Variants in PKNOX2 observed in about 807,000 individuals in gnomAD.
PKNOX2 encodes the protein homeobox protein PKNOX2.
In PKNOX2, 14 loss-of-function variants were observed where a neutral mutation model predicts 53.1. The observed-to-expected ratio is 0.26, with a 90% CI of 0.17 to 0.41. The LOEUF is 0.41. Among genes scored for constraint, PKNOX2 ranks in the 10% least tolerant of loss-of-function variants. PKNOX2 has a pLI of 1.00. For synonymous variants in PKNOX2, 257 were observed against 242.8 expected (o/e 1.06, Z -0.54); for missense variants, 496 against 602.8 (o/e 0.82, Z 1.85).
At chr11:125,284,105 A>T (rs1358267965) in intron 2 of PKNOX2, among the ~76,000 whole-genome samples, 1 of 152,138 alleles carries the variant, frequency 6.6e-6, no homozygotes, top group African/African-American at 2.4e-5. Context: ...AACTGAACAC[A>T]CCTAAAGGGT....
At position 125,410,606 on chromosome 11, in the gene PKNOX2, G is replaced by A. The variant is rs1299525066; in HGVS notation, c.719-173G>A. ...ACCTCCCACCAGAGGCTCTGTCCTA[G>A]GCTCTAGACACCATCCCCCACCCAC... On this transcript the variant is annotated intron_variant, in intron 8 of 12. Transcript: ENST00000298282. The A allele has an allele frequency of 1.2e-5, 8 of 657,092 alleles. No homozygotes were observed. In the East Asian group the frequency reaches 2.2e-4, roughly 18 times the overall value. 40.7% of individuals were successfully genotyped at this position (657,092 alleles called of 1,614,324 possible). A position where few individuals can be genotyped will look rare whatever the true frequency, so the allele number is the denominator to read the frequency against.
At chr11:125,263,633 G>C (rs953414922) in intron 2 of PKNOX2, among the ~76,000 whole-genome samples, 2 of 152,242 alleles carry the variant, frequency 1.3e-5, no homozygotes, top group Non-Finnish European at 2.9e-5. Context: ...AGCGCGGGAG[G>C]GGGAGAGCTG....
intron 2 of PKNOX2, among the ~76,000 whole-genome samples, chr11:125,308,600 C>A (rs1948608431): frequency 6.6e-6 from 1 of 152,192 alleles, no homozygotes; most frequent in Non-Finnish European, 1.5e-5. Flanking sequence ...TCGGGGGAGG[C>A]TTTGCCCCAA....
In PKNOX2 at chr11:125,191,295, T is replaced by C. The variant is rs534563236; in HGVS notation, c.-201+26519T>C. The stretch of plus-strand genomic sequence containing the variant: ...ATTCTAAGTCCAGGACACTCTCCAG[T>C]CACCACAGGCTACTGCCTGTGTGTT... On this transcript the variant is annotated intron_variant, in intron 1 of 12. Coordinates refer to ENST00000298282, the MANE Select transcript of PKNOX2 (RefSeq NM_001382323.2). 4 of 152,342 alleles carry C rather than the reference T, an allele frequency of 2.6e-5. No individual in the cohort carries two copies. The South Asian group carries it at 8.3e-4, about 32-fold the overall frequency. 9.4% of individuals were successfully genotyped at this position (152,342 alleles called of 1,614,324 possible). A position where few individuals can be genotyped will look rare whatever the true frequency, so the allele number is the denominator to read the frequency against.
chr11:125,254,354 A>T (rs916797424), intron 2 of PKNOX2, among the ~76,000 whole-genome samples: 3 of 152,162 alleles, frequency 2.0e-5, no homozygotes, highest in Non-Finnish European at 4.4e-5. Context: ...CCTCCCTGCC[A>T]TGGGGCTGGT....
chr11:125,265,274 G>A (rs981816993), intron 2 of PKNOX2, among the ~76,000 whole-genome samples: 1 of 150,768 alleles, frequency 6.6e-6, no homozygotes, highest in Non-Finnish European at 1.5e-5. Flanking sequence ...GCAACAGAGC[G>A]AGACTCTGTC....
chr11:125,189,443 G>GTATATA (rs1565465134), intron 1 of PKNOX2, among the ~76,000 whole-genome samples: 4 of 56,664 alleles, frequency 7.1e-5, no homozygotes, highest in Non-Finnish European at 9.7e-5. Flanking sequence ...GTGTGTGTGT[G>GTATATA]TGTGTATATA....
intron 2 of PKNOX2, among the ~76,000 whole-genome samples, chr11:125,319,906 G>A (rs1471933680): frequency 6.6e-6 from 1 of 152,200 alleles, no homozygotes; most frequent in Admixed American, 6.5e-5. Flanking sequence ...GATGAGGCTG[G>A]AAAGGTGGGA....
chr11:125,186,864 T>C (rs1481544863), intron 1 of PKNOX2, among the ~76,000 whole-genome samples: 1 of 152,238 alleles, frequency 6.6e-6, no homozygotes, highest in Non-Finnish European at 1.5e-5. Flanking sequence ...TTTAGGTTGT[T>C]GATCCATTTT....
intron 2 of PKNOX2, among the ~76,000 whole-genome samples, chr11:125,253,322 C>T (rs762798370): frequency 2.1e-4 from 32 of 152,110 alleles, no homozygotes; most frequent in Non-Finnish European, 5.9e-5. Flanking sequence ...GAAACAGAGG[C>T]ACAGGGAGAA....
intron 1 of PKNOX2, among the ~76,000 whole-genome samples, chr11:125,222,759 ATGTG>A (rs1305030261): frequency 4.0e-4 from 51 of 128,412 alleles, no homozygotes; most frequent in African/African-American, 1.4e-3. Flanking sequence ...GTGCCTGTGT[ATGTG>A]TGTATGTGTG....
chr11:125,429,628 G>C (rs574070828), intron 11 of PKNOX2, among the ~76,000 whole-genome samples: 1 of 152,324 alleles, frequency 6.6e-6, no homozygotes, highest in South Asian at 2.1e-4. Flanking sequence ...AGAGCTGAGG[G>C]CCCTGATCCG....
At chr11:125,177,388 G>A (rs541304866) in intron 1 of PKNOX2, among the ~76,000 whole-genome samples, 2 of 152,328 alleles carry the variant, frequency 1.3e-5, no homozygotes, top group East Asian at 3.9e-4. Flanking sequence ...AGGAAAGCCA[G>A]TGGCCTCCTG....
intron 5 of PKNOX2, among the ~76,000 whole-genome samples, chr11:125,382,191 C>T (rs1416969827): frequency 1.3e-5 from 2 of 152,244 alleles, no homozygotes; most frequent in Non-Finnish European, 2.9e-5. Flanking sequence ...ACATACACTA[C>T]CCATCTGTGC....
intron 6 of PKNOX2, among the ~76,000 whole-genome samples, 184 bp from the exon 7 acceptor site, chr11:125,397,690 A>G (rs925019516): frequency 1.3e-5 from 2 of 152,186 alleles, no homozygotes; most frequent in Non-Finnish European, 2.9e-5. Context: ...ATTAGAACTG[A>G]AGTCATGGGG....
At chr11:125,367,753 C>A in intron 4 of PKNOX2, 93 bp from the exon 5 acceptor site, 1 of 1,382,190 alleles carries the variant, frequency 7.2e-7, no homozygotes. Context: ...CTCCTCCGGG[C>A]ACAGCACAGG....
chr11:125,257,696 A>C (rs1327222895), intron 2 of PKNOX2, among the ~76,000 whole-genome samples: 2 of 152,218 alleles, frequency 1.3e-5, no homozygotes, highest in East Asian at 3.9e-4. Flanking sequence ...ACCACACGGC[A>C]AGGACTTAGT....
intron 2 of PKNOX2, among the ~76,000 whole-genome samples, chr11:125,237,341 A>G (rs1403875479): frequency 6.6e-6 from 1 of 152,192 alleles, no homozygotes; most frequent in Non-Finnish European, 1.5e-5. Flanking sequence ...GGCAGTTGCA[A>G]AGGTCCACCT....
At chr11:125,194,580 G>A (rs1319910507) in intron 1 of PKNOX2, among the ~76,000 whole-genome samples, 2 of 152,060 alleles carry the variant, frequency 1.3e-5, no homozygotes, top group Non-Finnish European at 2.9e-5. Flanking sequence ...ACAGAGAGGG[G>A]CACTCAGCCT....
Sources: gnomAD v4.1 joint callset for allele counts (sites outside exome capture counted in the v4.1 genomes callset) on GRCh38, gnomAD v4.1.1 for gene constraint, MANE v1.5 for transcripts, NCBI Gene and HGNC (gene_info 2026-07-23, HGNC 2026-07-21) for gene names.